GALNTL6: variants seen among roughly 807,000 people sequenced by gnomAD.
GALNTL6 encodes polypeptide N-acetylgalactosaminyltransferase-like 6.
A neutral mutation model predicts 73.7 loss-of-function variants in GALNTL6; 46 were observed. That is an observed-to-expected ratio of 0.62 (90% CI 0.49 to 0.80). The LOEUF is 0.80. GALNTL6 is among the 30% of genes least tolerant of loss of function. The pLI, the probability that GALNTL6 is intolerant of heterozygous loss-of-function variation, is 0.00. For synonymous variants in GALNTL6, 259 were observed against 263.7 expected (o/e 0.98, Z 0.17); for missense variants, 604 against 755.0 (o/e 0.80, Z 2.34).
At chr4:172,019,774 C>T (rs1210872672) in intron 2 of GALNTL6, among the ~76,000 whole-genome samples, 1 of 152,148 alleles carries the variant, frequency 6.6e-6, no homozygotes, top group East Asian at 1.9e-4. Flanking sequence ...GGAAGAAAAT[C>T]AACAACAACA....
intron 5 of GALNTL6, among the ~76,000 whole-genome samples, chr4:172,456,851 A>G (rs968839669): frequency 1.3e-5 from 2 of 152,146 alleles, no homozygotes; most frequent in Non-Finnish European, 2.9e-5. Flanking sequence ...AATACAGAGA[A>G]CACCACAAAG....
intron 5 of GALNTL6, among the ~76,000 whole-genome samples, chr4:172,423,923 C>G (rs887647443): frequency 2.0e-5 from 3 of 152,034 alleles, no homozygotes; most frequent in African/African-American, 7.2e-5. Flanking sequence ...ATATCCGTAT[C>G]TTGATATAGA....
At chr4:172,381,422 C>G (rs900310593) in intron 5 of GALNTL6, among the ~76,000 whole-genome samples, 1 of 152,134 alleles carries the variant, frequency 6.6e-6, no homozygotes, top group Non-Finnish European at 1.5e-5. Context: ...AGCAGTCACT[C>G]CCATTCCTCC....
Position 171,814,677 on chromosome 4 carries a change from G to C in GALNTL6, c.97G>C (p.Asp33His). 6.2e-7 allele frequency: 1 copy of C among 1,614,146 alleles called. No homozygotes were observed. Among genetic ancestry groups the C allele is most frequent in the South Asian group, 1.1e-5 (1 of 91,074 alleles). Residue 33 changes from aspartate (D) to histidine (H), a missense_variant, in exon 2 of 13, where the codon GAT (aspartate) becomes CAT (histidine). By Grantham distance (81) the Asp-to-His change is moderately conservative. Coordinates refer to ENST00000506823, the MANE Select transcript of GALNTL6 (RefSeq NM_001034845.3). ...PNVGLWSLYK[D>H]KHLVKSAEPG... ...CGTTGGTCTCTGGTCTCTGTACAAG[G>C]ATAAGCACCTGGTGAAGTCAGCGGA...
intron 3 of GALNTL6, among the ~76,000 whole-genome samples, chr4:172,290,187 C>T (rs749205807): frequency 8.6e-6 from 1 of 116,854 alleles, no homozygotes; most frequent in South Asian, 2.6e-4. Flanking sequence ...TAATGAGTTC[C>T]TCTGAGACAA....
intron 2 of GALNTL6, among the ~76,000 whole-genome samples, chr4:171,819,555 A>G (rs554300): frequency 0.99 from 150,352 of 152,288 alleles, 74,260 homozygotes; most frequent in Middle Eastern, 1. Context: ...AGTGGTTTAA[A>G]CGGTGTAGAA....
intron 2 of GALNTL6, among the ~76,000 whole-genome samples, chr4:172,224,268 T>C (rs758125484): frequency 1.5e-4 from 23 of 152,190 alleles, no homozygotes; most frequent in Non-Finnish European, 3.1e-4. Flanking sequence ...CCTAATTTCA[T>C]ATGTGAGCTG....
chr4:172,379,453 C>G (rs1294019936), intron 5 of GALNTL6, among the ~76,000 whole-genome samples: 1 of 140,922 alleles, frequency 7.1e-6, no homozygotes, highest in Non-Finnish European at 1.5e-5. Context: ...TGGCGTGAAC[C>G]CGGGAAGCGG....
chr4:171,816,670 A>C (rs1384227955), intron 2 of GALNTL6, among the ~76,000 whole-genome samples: 3 of 152,034 alleles, frequency 2.0e-5, no homozygotes, highest in Non-Finnish European at 2.9e-5. Context: ...TGGTTTTAAA[A>C]CTAATACTTT....
At chr4:172,893,514 A>G (rs1159918374) in intron 8 of GALNTL6, among the ~76,000 whole-genome samples, 2 of 152,174 alleles carry the variant, frequency 1.3e-5, no homozygotes, top group African/African-American at 4.8e-5. Flanking sequence ...CTCCCAGGCA[A>G]CCAGCAAAAC....
chr4:172,379,506 C>T (rs975501301), intron 5 of GALNTL6, among the ~76,000 whole-genome samples: 9 of 130,158 alleles, frequency 6.9e-5, no homozygotes, highest in Non-Finnish European at 1.4e-4. Flanking sequence ...GTCCGCAGTC[C>T]GGCCTGGGCG....
intron 5 of GALNTL6, among the ~76,000 whole-genome samples, chr4:172,759,685 C>A (rs1175465845): frequency 1.3e-5 from 2 of 152,122 alleles, no homozygotes; most frequent in Middle Eastern, 6.3e-3. Flanking sequence ...TGCCAGTATC[C>A]CATACTCTCA....
chr4:172,681,176 G>A (rs1732613095), intron 5 of GALNTL6, among the ~76,000 whole-genome samples: 1 of 152,094 alleles, frequency 6.6e-6, no homozygotes, highest in South Asian at 2.1e-4. Flanking sequence ...GTTAATGCCT[G>A]ATAAATAATA....
At chr4:172,386,150 A>T (rs9993993) in intron 5 of GALNTL6, among the ~76,000 whole-genome samples, 122,880 of 152,120 alleles carry the variant, frequency 0.81, 50,508 homozygotes, top group Non-Finnish European at 0.88. Flanking sequence ...TTTAAATCAG[A>T]TAGGAGAAGA....
chr4:172,054,191 G>A (rs1447366938), intron 2 of GALNTL6, among the ~76,000 whole-genome samples: 2 of 152,024 alleles, frequency 1.3e-5, no homozygotes, highest in East Asian at 3.9e-4. Flanking sequence ...TATAATTAAT[G>A]TTTGATAATG....
At chr4:172,962,102 G>C (rs533323996) in intron 10 of GALNTL6, among the ~76,000 whole-genome samples, 3 of 152,172 alleles carry the variant, frequency 2.0e-5, no homozygotes, top group Non-Finnish European at 4.4e-5. Flanking sequence ...AAGGGTGGGG[G>C]TCACAAGGTG....
intron 5 of GALNTL6, among the ~76,000 whole-genome samples, chr4:172,795,078 G>A (rs900631724): frequency 6.6e-6 from 1 of 152,140 alleles, no homozygotes; most frequent in Non-Finnish European, 1.5e-5. Flanking sequence ...AAAATCCCTC[G>A]CAAAATGGAG....
intron 5 of GALNTL6, among the ~76,000 whole-genome samples, chr4:172,569,291 C>A (rs534220561): frequency 2.0e-5 from 3 of 152,074 alleles, no homozygotes; most frequent in Non-Finnish European, 2.9e-5. Flanking sequence ...ATGGAAAGGG[C>A]AAGGGAGCTC....
intron 5 of GALNTL6, among the ~76,000 whole-genome samples, chr4:172,794,428 G>A (rs1474621778): frequency 2.0e-5 from 3 of 152,188 alleles, no homozygotes; most frequent in Non-Finnish European, 4.4e-5. Context: ...CTAGAGTTCA[G>A]TAGTAAATAG....
Sources: gnomAD v4.1 joint callset for allele counts (sites outside exome capture counted in the v4.1 genomes callset) on GRCh38, gnomAD v4.1.1 for gene constraint, MANE v1.5 for transcripts, NCBI Gene and HGNC (gene_info 2026-07-23, HGNC 2026-07-21) for gene names.